SDK1: variants seen among roughly 807,000 people sequenced by gnomAD.
SDK1 encodes sidekick cell adhesion molecule 1.
A neutral mutation model predicts 245.5 loss-of-function variants in SDK1; 157 were observed. The observed-to-expected ratio is 0.64, with a 90% confidence interval of 0.56 to 0.73. SDK1 has a LOEUF of 0.73. Ranked by LOEUF, SDK1 falls within the 30% of genes least tolerant of loss-of-function variation. SDK1 has a pLI of 0.00. For synonymous variants in SDK1, 1,647 were observed against 1,278.5 expected, an observed-to-expected ratio of 1.29 and a Z score of -6.15; for missense variants, 3,583 against 3,002.3, an observed-to-expected ratio of 1.19 and a Z score of -4.52.
intron 25 of SDK1, among the ~76,000 whole-genome samples, chr7:4,123,876 G>T (rs1562844147): frequency 1.3e-5 from 2 of 152,224 alleles, no homozygotes; most frequent in African/African-American, 2.4e-5. Context: ...AGAAGGGAAG[G>T]GAGAGATGCT....
intron 1 of SDK1, among the ~76,000 whole-genome samples, chr7:3,313,623 A>G (rs1163346657): frequency 6.6e-6 from 1 of 152,210 alleles, no homozygotes; most frequent in African/African-American, 2.4e-5. Context: ...TTCCACTACA[A>G]GTACTCATAC....
At chr7:4,125,400 A>G (rs918062310) in intron 25 of SDK1, among the ~76,000 whole-genome samples, 1 of 149,954 alleles carries the variant, frequency 6.7e-6, no homozygotes, top group Non-Finnish European at 1.5e-5. Context: ...GGATGGATGG[A>G]TAGATGGATG....
At chr7:3,846,613 T>C (rs1469927154) in intron 5 of SDK1, among the ~76,000 whole-genome samples, 1 of 152,204 alleles carries the variant, frequency 6.6e-6, no homozygotes, top group Non-Finnish European at 1.5e-5. Flanking sequence ...GACTCATTCT[T>C]ATTTACCTCC....
chr7:3,473,223 C>A (rs1781239069), intron 1 of SDK1, among the ~76,000 whole-genome samples: 1 of 152,170 alleles, frequency 6.6e-6, no homozygotes, highest in African/African-American at 2.4e-5. Context: ...GGACCTCAAA[C>A]CCAAATTTCC....
At chr7:3,588,377 A>G (rs577141098) in intron 1 of SDK1, among the ~76,000 whole-genome samples, 6 of 152,370 alleles carry the variant, frequency 3.9e-5, no homozygotes, top group African/African-American at 1.2e-4. Context: ...AGTAAAGGCT[A>G]TGCTAAATTG....
At chr7:3,967,237 GC>G in intron 9 of SDK1, 80 bp from the exon 10 acceptor site, 1 of 1,078,074 alleles carries the variant, frequency 9.3e-7, no homozygotes, top group Non-Finnish European at 1.4e-6. Context: ...GCTCTCTAAA[GC>G]CCGTGCAGGA....
At chr7:3,463,349 CATGAATGA>C (rs58081155) in intron 1 of SDK1, among the ~76,000 whole-genome samples, 20 of 151,862 alleles carry the variant, frequency 1.3e-4, no homozygotes, top group Admixed American at 4.6e-4. Context: ...CTCACATATT[CATGAATGA>C]ATGAATGAAT....
intron 5 of SDK1, among the ~76,000 whole-genome samples, chr7:3,903,138 T>C (rs1251603540): frequency 1.4e-5 from 2 of 141,912 alleles, no homozygotes; most frequent in African/African-American, 5.5e-5. Context: ...TGTGGTTTTG[T>C]TTTTTGTTTT....
At chr7:3,491,701 T>C (rs957916975) in intron 1 of SDK1, among the ~76,000 whole-genome samples, 2 of 152,242 alleles carry the variant, frequency 1.3e-5, no homozygotes, top group Admixed American at 1.3e-4. Flanking sequence ...ACTTTAGCTA[T>C]TGTCTCTTTG....
chr7:4,038,600 T>A (rs1289049954), intron 17 of SDK1, among the ~76,000 whole-genome samples: 1 of 152,212 alleles, frequency 6.6e-6, no homozygotes, highest in Non-Finnish European at 1.5e-5. Flanking sequence ...TTTTCTTATT[T>A]CCTGTGCTTC....
intron 28 of SDK1, among the ~76,000 whole-genome samples, chr7:4,142,232 C>G (rs752716197): frequency 6.6e-6 from 1 of 152,142 alleles, no homozygotes; most frequent in East Asian, 1.9e-4. Flanking sequence ...AGATTCGTAT[C>G]TCTTCATCTC....
intron 14 of SDK1, among the ~76,000 whole-genome samples, chr7:3,988,196 A>T (rs1583743310): frequency 8.7e-6 from 1 of 114,406 alleles, no homozygotes; most frequent in South Asian, 2.9e-4. Context: ...TGCTCCCAGC[A>T]CCCCGCATTT....
At chr7:3,351,370 A>T (rs1216148526) in intron 1 of SDK1, among the ~76,000 whole-genome samples, 2 of 152,192 alleles carry the variant, frequency 1.3e-5, no homozygotes, top group Non-Finnish European at 2.9e-5. Context: ...ATGGACCTTA[A>T]CACCACTGTC....
chr7:3,656,707 C>T (rs764543751), intron 4 of SDK1, among the ~76,000 whole-genome samples: 2 of 150,024 alleles, frequency 1.3e-5, no homozygotes, highest in Non-Finnish European at 3.0e-5. Flanking sequence ...CTGGTCTTAT[C>T]TGGTCTTATC....
chr7:3,900,942 T>G (rs931012249), intron 5 of SDK1, among the ~76,000 whole-genome samples: 1 of 151,662 alleles, frequency 6.6e-6, no homozygotes, highest in African/African-American at 2.4e-5. Context: ...ATGTGCCTAA[T>G]TGTAGCAAAA....
At chr7:3,501,042 C>G (rs1294212522) in intron 1 of SDK1, among the ~76,000 whole-genome samples, 4 of 152,044 alleles carry the variant, frequency 2.6e-5, no homozygotes, top group Non-Finnish European at 5.9e-5. Context: ...TGATTTCTAA[C>G]TTCTCTGTTA....
At position 3,554,415 on chromosome 7, in the gene SDK1, C is replaced by G. The variant is rs184056022; in HGVS notation, c.299-64665C>G. Among the ~76,000 whole-genome samples the G allele has an allele frequency of 3.9e-4, 57 of 144,526 alleles. 1 individual carries two copies. Among genetic ancestry groups the G allele is most frequent in the Admixed American group, 2.6e-3 (37 of 14,104 alleles). The allele number at this position is 144,526 out of a possible 152,430, so 94.8% of individuals were successfully genotyped here. ...AAACTGAAAGCAAAAACAGAACATA[C>G]CAAAATATTTGGGACGCAGGTAAAG... On this transcript the variant is annotated intron_variant, in intron 1 of 44. Coordinates refer to ENST00000404826, the MANE Select transcript of SDK1 (RefSeq NM_152744.4).
intron 1 of SDK1, among the ~76,000 whole-genome samples, chr7:3,319,590 C>T (rs904107042): frequency 2.0e-5 from 3 of 152,062 alleles, no homozygotes; most frequent in Admixed American, 6.6e-5. Flanking sequence ...CTTTGATAAT[C>T]TTATGTTTTT....
chr7:3,656,735 A>G (rs1288112495), intron 4 of SDK1, among the ~76,000 whole-genome samples: 1 of 146,872 alleles, frequency 6.8e-6, no homozygotes, highest in Non-Finnish European at 1.5e-5. Flanking sequence ...GTTTTGGTGG[A>G]AATCTTTTTT....
Sources: allele counts gnomAD v4.1 joint callset (sites outside exome capture counted in the v4.1 genomes callset), GRCh38; gene constraint gnomAD v4.1.1; transcripts MANE v1.5; gene names NCBI Gene and HGNC (gene_info 2026-07-23, HGNC 2026-07-21).